Variants in CNTNAP2 observed in about 807,000 individuals in gnomAD.
CNTNAP2 encodes the protein contactin associated protein 2.
A neutral mutation model predicts 155.2 loss-of-function variants in CNTNAP2; 98 were observed. That is an observed-to-expected ratio of 0.63 (90% CI 0.54 to 0.75). The LOEUF is 0.75. Ranked by LOEUF, CNTNAP2 falls within the 30% of genes least tolerant of loss-of-function variation. The pLI, the probability that CNTNAP2 is intolerant of heterozygous loss-of-function variation, is 0.00. For synonymous variants in CNTNAP2, 651 were observed against 631.2 expected, an observed-to-expected ratio of 1.03 and a Z score of -0.47; for missense variants, 1,727 against 1,688.1, an observed-to-expected ratio of 1.02 and a Z score of -0.40.
chr7:147,509,284 A>G (rs946200311), intron 11 of CNTNAP2, among the ~76,000 whole-genome samples: 1 of 152,202 alleles, frequency 6.6e-6, no homozygotes. Flanking sequence ...AGAGCAATAC[A>G]GAGTTGTGGG....
At chr7:147,327,904 C>A (rs982694196) in intron 9 of CNTNAP2, among the ~76,000 whole-genome samples, 2 of 152,040 alleles carry the variant, frequency 1.3e-5, no homozygotes, top group African/African-American at 4.8e-5. Context: ...AAGCCGTTAT[C>A]AGCCACCAAT....
chr7:148,089,427 G>C lies in CNTNAP2; in HGVS notation c.2384-28691G>C, dbSNP rs1803796041. 4.0e-5 allele frequency among the ~76,000 whole-genome samples: 6 copies of C among 151,724 alleles called. 1 individual carries two copies. The highest frequency in any genetic ancestry group is 2.6e-4 in the Admixed American group (4 of 15,210). On this transcript the variant is annotated intron_variant, in intron 15 of 23. Transcript: ENST00000361727. ...ATCATAAAGACTCCATGAAAAAACT[G>C]TTAGAACTAAAAATGAATTCACTAA...
chr7:147,506,583 C>T (rs1284196014), intron 11 of CNTNAP2, among the ~76,000 whole-genome samples: 2 of 152,144 alleles, frequency 1.3e-5, no homozygotes, highest in Non-Finnish European at 2.9e-5. Context: ...CACGTCCTTC[C>T]AGTGGCTGCT....
rs73740818 is a variant in CNTNAP2 at position 146,720,494 on chromosome 7, A to G, written c.98-53777A>G. 9.6e-3 allele frequency among the ~76,000 whole-genome samples: 1,464 copies of G among 152,236 alleles called. 30 individuals carry two copies. Among genetic ancestry groups the G allele is most frequent in the African/African-American group, 0.033 (1,392 of 41,554 alleles). ...TGACCTAAATCAATTTCAGATGCCT[A>G]TAAGTAAAAATTGAGCTCTGTATAT... is the stretch of plus-strand genomic sequence containing the variant. On this transcript the variant is annotated intron_variant, in intron 1 of 23. Coordinates refer to ENST00000361727, the MANE Select transcript of CNTNAP2 (RefSeq NM_014141.6).
chr7:146,793,355 A>G (rs951705426), intron 2 of CNTNAP2, among the ~76,000 whole-genome samples: 10 of 152,336 alleles, frequency 6.6e-5, no homozygotes, highest in Admixed American at 1.3e-4. Context: ...TCTCTCAGGC[A>G]TGTGTTAGTC....
intron 8 of CNTNAP2, among the ~76,000 whole-genome samples, chr7:147,266,306 GA>G (rs1281308543): frequency 6.6e-6 from 1 of 152,198 alleles, no homozygotes; most frequent in East Asian, 1.9e-4. Context: ...GGATGGAGCT[GA>G]AAAACATAGC....
intron 1 of CNTNAP2, among the ~76,000 whole-genome samples, chr7:146,267,353 T>A (rs1800011700): frequency 6.6e-6 from 1 of 152,200 alleles, no homozygotes. Context: ...AGGCCATGTG[T>A]TATTTCTGTA....
intron 23 of CNTNAP2, among the ~76,000 whole-genome samples, chr7:148,410,652 A>G (rs183841970): frequency 6.6e-6 from 1 of 151,830 alleles, no homozygotes; most frequent in East Asian, 1.9e-4. Context: ...AAATCACTGG[A>G]GGTCATTATT....
chr7:148,411,324 G>A (rs7790435), intron 23 of CNTNAP2, among the ~76,000 whole-genome samples: 18,485 of 152,128 alleles, frequency 0.12, 2,349 homozygotes, highest in African/African-American at 0.32. Context: ...GGAGTGCAGT[G>A]GCGTGATCTC....
At chr7:146,233,284 A>C (rs1799416443) in intron 1 of CNTNAP2, among the ~76,000 whole-genome samples, 1 of 152,288 alleles carries the variant, frequency 6.6e-6, no homozygotes, top group South Asian at 2.1e-4. Context: ...CTCAGAAGGT[A>C]ACTTAATTCA....
intron 15 of CNTNAP2, among the ~76,000 whole-genome samples, chr7:148,021,461 G>A (rs1215025732): frequency 1.3e-5 from 2 of 152,194 alleles, no homozygotes; most frequent in Non-Finnish European, 2.9e-5. Context: ...GGGAGACACG[G>A]GGGACAGCTT....
chr7:147,968,871 G>A (rs1801274969), intron 14 of CNTNAP2, among the ~76,000 whole-genome samples: 1 of 152,160 alleles, frequency 6.6e-6, no homozygotes, highest in Non-Finnish European at 1.5e-5. Flanking sequence ...CTCAAATTGG[G>A]CAACACCCCA....
At chr7:147,529,844 G>A (rs1002531294) in intron 11 of CNTNAP2, among the ~76,000 whole-genome samples, 1 of 152,068 alleles carries the variant, frequency 6.6e-6, no homozygotes, top group African/African-American at 2.4e-5. Context: ...GTTCCATTAT[G>A]TTTTTAAACA....
intron 13 of CNTNAP2, among the ~76,000 whole-genome samples, chr7:147,884,422 C>T (rs905205228): frequency 6.6e-6 from 1 of 151,232 alleles, no homozygotes; most frequent in Admixed American, 6.6e-5. Flanking sequence ...GCAGCAATAA[C>T]CAAAAACATA....
chr7:147,675,758 C>T (rs1220183219), intron 13 of CNTNAP2, among the ~76,000 whole-genome samples: 1 of 151,896 alleles, frequency 6.6e-6, no homozygotes, highest in Non-Finnish European at 1.5e-5. Flanking sequence ...AGCGTTTGGG[C>T]ATGTATTTTA....
At chr7:147,308,664 C>T (rs1166375178) in intron 9 of CNTNAP2, among the ~76,000 whole-genome samples, 2 of 152,180 alleles carry the variant, frequency 1.3e-5, no homozygotes, top group Non-Finnish European at 2.9e-5. Flanking sequence ...TGACTTTTGA[C>T]CTATACATCC....
intron 1 of CNTNAP2, among the ~76,000 whole-genome samples, chr7:146,469,787 C>T (rs568109695): frequency 6.6e-6 from 1 of 151,714 alleles, no homozygotes; most frequent in African/African-American, 2.4e-5. Context: ...CTAGGCCTCC[C>T]AAAGTGTGCT....
intron 20 of CNTNAP2, among the ~76,000 whole-genome samples, chr7:148,238,323 T>C (rs1056873993): frequency 3.9e-5 from 6 of 152,120 alleles, no homozygotes; most frequent in Non-Finnish European, 7.3e-5. Flanking sequence ...CACTCCAGCC[T>C]GGTGACAGAG....
chr7:148,186,063 C>T (rs763356644), intron 18 of CNTNAP2, among the ~76,000 whole-genome samples: 9 of 152,286 alleles, frequency 5.9e-5, no homozygotes, highest in South Asian at 2.1e-4. Flanking sequence ...TCAGCTTTTG[C>T]GCTAACATTC....
Sources: allele counts gnomAD v4.1 joint callset (sites outside exome capture counted in the v4.1 genomes callset), GRCh38; gene constraint gnomAD v4.1.1; transcripts MANE v1.5; gene names NCBI Gene and HGNC (gene_info 2026-07-23, HGNC 2026-07-21).